Variants in FGFR1 observed in about 807,000 individuals in gnomAD.
FGFR1 encodes the protein FGFR1/PLAG1 fusion.
A neutral mutation model predicts 93.7 loss-of-function variants in FGFR1; 18 were observed. That is an observed-to-expected ratio of 0.19 (90% confidence interval 0.13 to 0.28). The LOEUF (loss-of-function observed/expected upper bound fraction) is 0.28. FGFR1 is among the 10% of genes least tolerant of loss of function. The pLI is 1.00. For synonymous variants in FGFR1, 448 were observed against 429.3 expected (o/e 1.04, Z -0.54); for missense variants, 731 against 1,080.4 (o/e 0.68, Z 4.53).
At chr8:38,461,398 G>C (rs968441529) in intron 1 of FGFR1, 1 of 441,172 alleles carries the variant, frequency 2.3e-6, no homozygotes, top group East Asian at 3.7e-5. Context: ...GCAGTGGCAC[G>C]ATCTCAACTC....
chr8:38,417,452 A>C (rs1294744084), intron 11 of FGFR1, 36 bp from the exon 12 acceptor site: 1 of 1,570,976 alleles, frequency 6.4e-7, no homozygotes. Context: ...TTACTTGGGA[A>C]GGGAGGAGGG....
chr8:38,445,093 G>C (rs1157909881), intron 2 of FGFR1, among the ~76,000 whole-genome samples: 2 of 152,132 alleles, frequency 1.3e-5, no homozygotes, highest in Non-Finnish European at 2.9e-5. Flanking sequence ...CCAATGTCCT[G>C]TTTCACCTGG....
At chr8:38,444,051 C>CA (rs746296068) in intron 2 of FGFR1, among the ~76,000 whole-genome samples, 6,852 of 74,212 alleles carry the variant, frequency 0.092, 649 homozygotes, top group Middle Eastern at 0.15. Flanking sequence ...GAAACTGTCT[C>CA]AAAAAAAAAA....
intron 2 of FGFR1, chr8:38,434,567 C>A: frequency 3.6e-6 from 1 of 276,154 alleles, no homozygotes; most frequent in South Asian, 5.1e-5. Flanking sequence ...TTCTCAAAGT[C>A]TTGGCAGGCA....
At chr8:38,440,256 G>A in intron 2 of FGFR1, 1 of 1,536,952 alleles carries the variant, frequency 6.5e-7, no homozygotes, top group Non-Finnish European at 8.9e-7. Flanking sequence ...GCCCTCTGCA[G>A]AGGTTTTTTT....
At chr8:38,431,990 T>C (rs568191346) in intron 2 of FGFR1, among the ~76,000 whole-genome samples, 136 of 152,198 alleles carry the variant, frequency 8.9e-4, no homozygotes, top group Non-Finnish European at 1.4e-3. Flanking sequence ...TTCCCTCAAA[T>C]GACCTCGGTG....
intron 2 of FGFR1, among the ~76,000 whole-genome samples, chr8:38,456,014 T>C (rs939306415): frequency 2.6e-5 from 4 of 152,182 alleles, no homozygotes; most frequent in Non-Finnish European, 4.4e-5. Flanking sequence ...AACATGAATA[T>C]GCCTGCTCTA....
chr8:38,425,690 C>A (rs3779921), intron 6 of FGFR1, among the ~76,000 whole-genome samples: 28,400 of 152,170 alleles, frequency 0.19, 3,035 homozygotes, highest in East Asian at 0.31. Flanking sequence ...AGGTGTCTGA[C>A]CTCTCTGAGC....
intron 2 of FGFR1, among the ~76,000 whole-genome samples, chr8:38,437,315 T>C (rs1825787509): frequency 6.6e-6 from 1 of 152,190 alleles, no homozygotes; most frequent in Non-Finnish European, 1.5e-5. Context: ...GGAGCCCTTG[T>C]CACTGTGCAA....
intron 2 of FGFR1, among the ~76,000 whole-genome samples, chr8:38,432,906 G>A (rs57709857): frequency 0.03 from 1,254 of 41,598 alleles, 41 homozygotes; most frequent in East Asian, 0.12. Context: ...CCTCCCCACC[G>A]CGCCCCCCCC....
intron 2 of FGFR1, chr8:38,434,541 G>A (rs759836867): frequency 1.3e-5 from 4 of 311,150 alleles, no homozygotes; most frequent in African/African-American, 2.2e-5. Flanking sequence ...ACCACAAGGA[G>A]ATTTTCTTAT....
In FGFR1 at chr8:38,429,900, G is replaced by A. The variant is rs747480026; in HGVS notation, c.140C>T (p.Pro47Leu). 31 of 1,613,654 alleles carry A rather than the reference G, an allele frequency of 1.9e-5. No individual in the cohort carries two copies. The highest frequency in any genetic ancestry group is 2.5e-5 in the Non-Finnish European group (30 of 1,179,958). ...PVEVESFLVH[P>L]GDLLQLRCRL... ...ACAGCGAAGCTGCAGCAGGTCACCG[G>A]GGTGGACCAGGAAGGACTCCACTTC... The change falls in exon 3 of 18, where the codon CCC becomes CTC. Residue 47 changes from proline to leucine, a missense_variant. By Grantham distance (98) the Pro-to-Leu change is moderately conservative. Around this residue, in one of 10 missense-constraint regions of FGFR1, gnomAD observed 212 missense variants for 205.8 expected, o/e 1.03. Coordinates refer to ENST00000447712, the MANE Select transcript of FGFR1 (RefSeq NM_023110.3). The surrounding 1 kb of genome is among the most constrained non-coding windows in gnomAD (Gnocchi z 4.4).
At chr8:38,463,579 T>C (rs1331205787) in intron 1 of FGFR1, among the ~76,000 whole-genome samples, 2 of 152,028 alleles carry the variant, frequency 1.3e-5, no homozygotes, top group African/African-American at 4.8e-5. Context: ...GATGCCAACA[T>C]GTTTGTTAAC....
chr8:38,426,620 C>T lies in FGFR1; in HGVS notation c.622-375G>A, dbSNP rs1415438821. 6.6e-6 allele frequency among the ~76,000 whole-genome samples: 1 copy of T among 152,220 alleles called. No homozygotes were observed. Among genetic ancestry groups the T allele is most frequent in the Non-Finnish European group, 1.5e-5 (1 of 68,038 alleles). ...CAGCTCATTTCAAAAACCATCTCCT[C>T]CAGTCCAGTCTCTGGTCAGAACTGT... On this transcript the variant is annotated intron_variant, in intron 5 of 17. Transcript: ENST00000447712. This position sits in a 1 kb window ranked among gnomAD's most constrained non-coding sequence, Gnocchi z 4.1.
Position 38,416,077 on chromosome 8 carries a change from A to C in FGFR1, c.1664-17T>G, listed in dbSNP as rs1400181222. The C allele has an allele frequency of 1.2e-6, 2 of 1,604,988 alleles. No individual in the cohort carries two copies. Among genetic ancestry groups the C allele is most frequent in the East Asian group, 2.2e-5 (1 of 44,734 alleles). ...ACAAGGGACCTGCAGGCACAGGAGA[A>C]GAGGCCATGGGGCCAGCAGCAGGTG... On this transcript the variant is annotated splice_polypyrimidine_tract_variant and intron_variant, in intron 12 of 17. Coordinates refer to ENST00000447712, the MANE Select transcript of FGFR1 (RefSeq NM_023110.3).
chr8:38,467,901 G>A (rs2151505145), intron 1 of FGFR1, 80 bp downstream of exon 1: 2 of 222,254 alleles, frequency 9.0e-6, no homozygotes, highest in East Asian at 1.3e-4. Context: ...CGGGCAAAGC[G>A]CGCAGCCGGG....
chr8:38,454,789 A>C (rs531555015), intron 2 of FGFR1, among the ~76,000 whole-genome samples: 37 of 152,274 alleles, frequency 2.4e-4, no homozygotes, highest in African/African-American at 8.9e-4. Flanking sequence ...AGTTTGTTGA[A>C]GTAAATAATG....
intron 8 of FGFR1, among the ~76,000 whole-genome samples, chr8:38,421,295 A>G (rs1216009193): frequency 1.3e-5 from 2 of 152,160 alleles, no homozygotes; most frequent in African/African-American, 4.8e-5. Flanking sequence ...AACTCAGTTC[A>G]CCTGTCCAGG....
At chr8:38,457,325 G>C (rs754109099) in intron 2 of FGFR1, 31 bp downstream of exon 2, 43 of 1,607,956 alleles carry the variant, frequency 2.7e-5, no homozygotes, top group Non-Finnish European at 3.4e-5. Context: ...CAAGGCCCAG[G>C]AGTCCAGGCT....
Sources: gnomAD v4.1 joint callset for allele counts (sites outside exome capture counted in the v4.1 genomes callset) on GRCh38, gnomAD v4.1.1 for gene constraint, gnomAD v4.1.1 regional missense constraint, Gnocchi (gnomAD v3.1) non-coding constraint, MANE v1.5 for transcripts, NCBI Gene and HGNC (gene_info 2026-07-23, HGNC 2026-07-21) for gene names.